ARHGEF18: variants seen among roughly 807,000 people sequenced by gnomAD.
The protein encoded by ARHGEF18 is rho guanine nucleotide exchange factor 18.
Under a neutral mutation model 155.7 loss-of-function variants are expected in ARHGEF18, and 93 were observed. The ratio of observed to expected loss-of-function variants is 0.60; its 90% CI spans 0.50 to 0.71. The LOEUF (loss-of-function observed/expected upper bound fraction) is 0.71, where lower values mean the gene tolerates loss of function less well. Among genes scored for constraint, ARHGEF18 ranks in the 30% least tolerant of loss-of-function variants. The pLI is 0.00. For synonymous variants in ARHGEF18, 742 were observed against 753.1 expected (o/e 0.99, Z 0.24); for missense variants, 1,593 against 1,816.1 (o/e 0.88, Z 2.23).
chr19:7,475,241 C>T (rs1048679769), downstream of ARHGEF18, among the ~76,000 whole-genome samples: 2 of 152,090 alleles, frequency 1.3e-5, no homozygotes, highest in African/African-American at 4.8e-5. Flanking sequence ...AAAAAGAGGG[C>T]CCGTAGTCTT....
chr19:7,354,100 C>T (rs1035244853), intron 1 of ARHGEF18, among the ~76,000 whole-genome samples: 9 of 151,958 alleles, frequency 5.9e-5, no homozygotes, highest in African/African-American at 2.2e-4. Flanking sequence ...ACTTGAAGCT[C>T]GGAGTTTGAG....
rs773094202 is a variant in ARHGEF18 at position 7,468,834 on chromosome 19, C to T, written c.3490C>T (p.Pro1164Ser). 1 of 1,556,882 alleles carries T rather than the reference C, an allele frequency of 6.4e-7. No homozygotes were observed. Among genetic ancestry groups the T allele is most frequent in the Non-Finnish European group, 8.7e-7 (1 of 1,147,286 alleles). The change falls in exon 27 of 29, where the codon CCA becomes TCA. Residue 1164 changes from proline (P) to serine (S), a missense_variant. Pro to Ser is a moderately conservative substitution (Grantham distance 74, BLOSUM62 -1). Coordinates refer to ENST00000668164, the MANE Select transcript of ARHGEF18 (RefSeq NM_001367823.1). ...PPDTLAEAQP[P>S]SHPPSFNGEG... Reference sequence around the variant, plus strand: ...GCTGTTGTCCCCTCAGGCCCAGCCCCCAAGCCACCCTCCCAGCTTCAACGG... The same window carrying T: ...GCTGTTGTCCCCTCAGGCCCAGCCCTCAAGCCACCCTCCCAGCTTCAACGG...
chr19:7,440,553 C>T lies in ARHGEF18; in HGVS notation c.1106+71C>T. 1 of 1,506,068 alleles carries T rather than the reference C, an allele frequency of 6.6e-7. No homozygotes were observed. The highest frequency in any genetic ancestry group is 1.3e-5 in the South Asian group (1 of 79,996). 93.3% of individuals were successfully genotyped at this position (1,506,068 alleles called of 1,614,324 possible). A position where few individuals can be genotyped will look rare whatever the true frequency, so the allele number is the denominator to read the frequency against. On this transcript the variant is annotated intron_variant, in intron 11 of 28. Coordinates refer to ENST00000668164, the MANE Select transcript of ARHGEF18 (RefSeq NM_001367823.1). This position sits in a 1 kb window ranked among gnomAD's most constrained non-coding sequence, Gnocchi z 5.4. ...CCCGGGGAGCTGTTGACAGCCTCTTCGGAGGGAGACCCCGACTTAGATCTG... is the reference window on the plus strand; with the variant it reads ...CCCGGGGAGCTGTTGACAGCCTCTTTGGAGGGAGACCCCGACTTAGATCTG...
At chr19:7,449,073 G>A (rs1975193611) in intron 15 of ARHGEF18, among the ~76,000 whole-genome samples, 1 of 152,124 alleles carries the variant, frequency 6.6e-6, no homozygotes, top group Non-Finnish European at 1.5e-5. Context: ...GTTCCTCAAA[G>A]CCAGGAGGGG....
chr19:7,419,901 T>C (rs1456835343), intron 10 of ARHGEF18, among the ~76,000 whole-genome samples: 6 of 148,274 alleles, frequency 4.0e-5, no homozygotes, highest in Non-Finnish European at 1.5e-5. Context: ...ACACTTGGGC[T>C]CTGTACCCCA....
intron 10 of ARHGEF18, among the ~76,000 whole-genome samples, chr19:7,425,337 T>C (rs1973596214): frequency 6.6e-6 from 1 of 152,060 alleles, no homozygotes; most frequent in Non-Finnish European, 1.5e-5. Context: ...GGAAAAAAGG[T>C]GGGGGTCTCC....
chr19:7,443,597 C>T (rs1055661032), intron 13 of ARHGEF18, among the ~76,000 whole-genome samples: 1 of 152,196 alleles, frequency 6.6e-6, no homozygotes, highest in African/African-American at 2.4e-5. Flanking sequence ...GATACTATCA[C>T]CTTTGGGGTT....
At chr19:7,441,539 A>G in intron 11 of ARHGEF18, 114 bp from the exon 12 acceptor site, 1 of 759,720 alleles carries the variant, frequency 1.3e-6, no homozygotes, top group East Asian at 2.5e-5. Flanking sequence ...GAAAATGTGG[A>G]GAGTTCTCAG....
Position 7,395,013 on chromosome 19 carries a change from C to G in ARHGEF18, c.967+11810C>G. 1.0e-6 allele frequency: 1 copy of G among 978,396 alleles called. No homozygotes were observed. The highest frequency in any genetic ancestry group is 1.2e-6 in the Non-Finnish European group (1 of 823,540). 60.6% of individuals were successfully genotyped at this position (978,396 alleles called of 1,614,324 possible). A position where few individuals can be genotyped will look rare whatever the true frequency, so the allele number is the denominator to read the frequency against. Reference sequence around the variant, plus strand: ...CTCACCACGGCTCGGGGAGCAGCAGCCCCAGGTCCCCGGGAGCGCCCCGCC... The same window carrying G: ...CTCACCACGGCTCGGGGAGCAGCAGGCCCAGGTCCCCGGGAGCGCCCCGCC... On this transcript the variant is annotated intron_variant, in intron 10 of 28. Coordinates refer to ENST00000668164, the MANE Select transcript of ARHGEF18 (RefSeq NM_001367823.1). This position sits in a 1 kb window ranked among gnomAD's most constrained non-coding sequence, Gnocchi z 5.0.
At chr19:7,474,223 C>T (rs1324615685), downstream of ARHGEF18, among the ~76,000 whole-genome samples, 5 of 151,764 alleles carry the variant, frequency 3.3e-5, no homozygotes, top group Admixed American at 1.3e-4. Context: ...CCTGTAATTC[C>T]AGCTACTCTG....
At chr19:7,442,343 C>T (rs1167119029) in intron 13 of ARHGEF18, among the ~76,000 whole-genome samples, 2 of 152,080 alleles carry the variant, frequency 1.3e-5, no homozygotes, top group African/African-American at 4.8e-5. Context: ...AAACAATCCT[C>T]CCACCTCAGC....
At chr19:7,359,351 T>C (rs917163521) in intron 1 of ARHGEF18, among the ~76,000 whole-genome samples, 1 of 152,164 alleles carries the variant, frequency 6.6e-6, no homozygotes, top group African/African-American at 2.4e-5. Flanking sequence ...TGGTTGGTAA[T>C]TGACAGAGCT....
At chr19:7,475,784 G>C (rs78668829), downstream of ARHGEF18, among the ~76,000 whole-genome samples, 22,809 of 152,234 alleles carry the variant, frequency 0.15, 1,810 homozygotes, top group Non-Finnish European at 0.19. Context: ...GTATGAGCTA[G>C]TAAGTAGTTG....
intron 10 of ARHGEF18, among the ~76,000 whole-genome samples, chr19:7,420,649 A>T (rs1157851995): frequency 6.6e-6 from 1 of 152,234 alleles, no homozygotes; most frequent in Non-Finnish European, 1.5e-5. Context: ...CCATGGGTTC[A>T]TGAGTTATGA....
intron 17 of ARHGEF18, among the ~76,000 whole-genome samples, chr19:7,453,945 T>G (rs964461217): frequency 2.6e-5 from 4 of 152,092 alleles, no homozygotes; most frequent in Admixed American, 6.6e-5. Context: ...TATTGGTGGG[T>G]GCCATGTTGG....
chr19:7,397,500 G>GC (rs1303880847), intron 10 of ARHGEF18, among the ~76,000 whole-genome samples: 3 of 125,356 alleles, frequency 2.4e-5, no homozygotes, highest in African/African-American at 1.2e-4. Flanking sequence ...GGGAGGCCCG[G>GC]GGGGGGGCAG....
At chr19:7,388,667 G>A (rs1354472549) in intron 10 of ARHGEF18, among the ~76,000 whole-genome samples, 9 of 151,880 alleles carry the variant, frequency 5.9e-5, no homozygotes, top group East Asian at 1.9e-4. Flanking sequence ...TGCAACCTCC[G>A]CCTCCCAGGT....
downstream of ARHGEF18, among the ~76,000 whole-genome samples, chr19:7,473,667 G>A (rs898989207): frequency 5.3e-5 from 8 of 152,152 alleles, no homozygotes; most frequent in South Asian, 2.1e-4. Context: ...GAAATTAGCC[G>A]GGCGTGGTGG....
At chr19:7,477,205 G>T, downstream of ARHGEF18, 1 of 1,493,212 alleles carries the variant, frequency 6.7e-7, no homozygotes, top group Non-Finnish European at 8.9e-7. Context: ...GGCAGTGTCA[G>T]GGGGTAGTGG....
Sources: allele counts gnomAD v4.1 joint callset (sites outside exome capture counted in the v4.1 genomes callset), GRCh38; gene constraint gnomAD v4.1.1; non-coding constraint Gnocchi (gnomAD v3.1); transcripts MANE v1.5; gene names NCBI Gene and HGNC (gene_info 2026-07-23, HGNC 2026-07-21).